Variants in TET2 observed in about 807,000 individuals in gnomAD.
TET2 encodes methylcytosine dioxygenase TET2.
A neutral mutation model predicts 142.9 loss-of-function variants in TET2; 299 were observed. The ratio of observed to expected loss-of-function variants is 2.09; its 90% CI spans 1.90 to 2.30. The LOEUF (loss-of-function observed/expected upper bound fraction) is 2.30. Ranked by LOEUF, TET2 falls within the 30% of genes most tolerant of loss-of-function variation. The probability of loss-of-function intolerance (pLI) is 0.00; values close to 1 mark genes in which losing one functional copy is unlikely to be tolerated. For synonymous variants in TET2, 819 were observed against 849.0 expected (o/e 0.96, Z 0.61); for missense variants, 2,418 against 2,378.0 (o/e 1.02, Z -0.35).
intron 8 of TET2, among the ~76,000 whole-genome samples, chr4:105,265,916 A>C (rs143899825): frequency 6.6e-6 from 1 of 152,150 alleles, no homozygotes; most frequent in Non-Finnish European, 1.5e-5. Context: ...AAACACACCC[A>C]GCCTTATCTC....
In TET2 at chr4:105,259,609, G is replaced by T; in HGVS notation, c.3804-10G>T. The T allele has an allele frequency of 6.5e-7, 1 of 1,550,170 alleles. No individual in the cohort carries two copies. The stretch of plus-strand genomic sequence containing the variant: ...TCCATAGCAATGAATTTGGTCTTTT[G>T]ATTTTTCAGGAGAACTTGCGCCTGT... On this transcript the variant is annotated splice_polypyrimidine_tract_variant and intron_variant, in intron 6 of 10. Transcript: ENST00000380013.
In TET2 at chr4:105,276,280, A is replaced by G; in HGVS notation, c.5770A>G (p.Lys1924Glu). The change falls in exon 11 of 11, where the codon AAA (lysine) becomes GAA (glutamate). Residue 1924 changes from lysine to glutamate, a missense_variant. Physicochemically the swap from Lys to Glu is moderately conservative, Grantham distance 56 (BLOSUM62 1). Transcript: ENST00000380013. ...TCTTTGGGAAGCCAAAATGGCTGAA[A>G]AAGCCCGTGAGAAAGAGGAAGAGTG... ...LALWEAKMAE[K>E]AREKEEECEK... The G allele has an allele frequency of 6.4e-7, 1 of 1,551,704 alleles. No homozygotes were observed. The highest frequency in any genetic ancestry group is 1.2e-5 in the South Asian group (1 of 84,062).
intron 6 of TET2, among the ~76,000 whole-genome samples, chr4:105,246,731 G>T (rs1729600311): frequency 6.6e-6 from 1 of 152,128 alleles, no homozygotes; most frequent in Admixed American, 6.5e-5. Context: ...TCAAATTGGG[G>T]CTGCGGACTC....
intron 2 of TET2, among the ~76,000 whole-genome samples, chr4:105,216,218 C>T (rs1727482864): frequency 6.6e-6 from 1 of 152,020 alleles, no homozygotes; most frequent in Non-Finnish European, 1.5e-5. Flanking sequence ...ATTTTTAAAG[C>T]CACGCTGACT....
At chr4:105,232,636 G>C (rs1041345383) in intron 2 of TET2, among the ~76,000 whole-genome samples, 5 of 152,176 alleles carry the variant, frequency 3.3e-5, no homozygotes, top group Non-Finnish European at 5.9e-5. Context: ...GAAAACCAAA[G>C]GCATGAAGCT....
At chr4:105,212,761 G>T (rs192769627) in intron 2 of TET2, among the ~76,000 whole-genome samples, 1 of 152,074 alleles carries the variant, frequency 6.6e-6, no homozygotes. Flanking sequence ...AGGCTGAGGC[G>T]GGTGGATCAC....
In TET2 at chr4:105,236,213, C is replaced by T. The variant is rs1180118336; in HGVS notation, c.2271C>T (p.Leu757=). The T allele has an allele frequency of 6.2e-7, 1 of 1,614,036 alleles. No individual in the cohort carries two copies. The highest frequency in any genetic ancestry group is 8.5e-7 in the Non-Finnish European group (1 of 1,179,988). ...AAATAAAGAATAAAGAGGAAATACTCCAGACTTTTCCTCACCCCCAAAGCA... is the reference window on the plus strand; with the variant it reads ...AAATAAAGAATAAAGAGGAAATACTTCAGACTTTTCCTCACCCCCAAAGCA... ...KLQIKNKEEI[L]QTFPHPQSNN... Residue 757 remains leucine, a synonymous_variant, in exon 3 of 11, where the codon CTC becomes CTT. Transcript: ENST00000380013.
intron 2 of TET2, among the ~76,000 whole-genome samples, chr4:105,218,415 G>A (rs899828457): frequency 2.0e-5 from 3 of 152,004 alleles, no homozygotes; most frequent in Non-Finnish European, 4.4e-5. Context: ...CCTCATGTCG[G>A]CTATGCCATG....
intron 2 of TET2, among the ~76,000 whole-genome samples, chr4:105,194,461 G>A (rs997030200): frequency 6.6e-6 from 1 of 151,590 alleles, no homozygotes; most frequent in Non-Finnish European, 1.5e-5. Flanking sequence ...TTTCTTATTG[G>A]CCCAAAAAAC....
chr4:105,220,301 T>C (rs545829735), intron 2 of TET2, among the ~76,000 whole-genome samples: 3 of 152,288 alleles, frequency 2.0e-5, no homozygotes, highest in Non-Finnish European at 4.4e-5. Context: ...GCCCCTCATA[T>C]ATACTATTAT....
chr4:105,190,324 G>T, intron 1 of TET2, 36 bp from the exon 2 acceptor site: 1 of 614,250 alleles, frequency 1.6e-6, no homozygotes. Context: ...GTTCCTTTTT[G>T]CTAACTTAAA....
chr4:105,256,858 A>C (rs1730160293), intron 6 of TET2, among the ~76,000 whole-genome samples: 1 of 151,978 alleles, frequency 6.6e-6, no homozygotes, highest in Non-Finnish European at 1.5e-5. Context: ...TCTGCTATTG[A>C]ACCCCTCTAA....
Position 105,237,327 on chromosome 4 carries a change from G to T in TET2, c.3385G>T (p.Asp1129Tyr), listed in dbSNP as rs746241528. 5.0e-6 allele frequency: 8 copies of T among 1,614,094 alleles called. No individual in the cohort carries two copies. The highest frequency in any genetic ancestry group is 3.3e-5 in the South Asian group (3 of 91,076). The change falls in exon 3 of 11, where the codon GAT becomes TAT. Residue 1129 changes from aspartate to tyrosine, a missense_variant. Asp to Tyr is a radical substitution (Grantham distance 160). Coordinates refer to ENST00000380013, the MANE Select transcript of TET2 (RefSeq NM_001127208.3). ...GGATACACCTGTCAAGACTCAATAT[G>T]ATTTCCCATCTTGCAGATGTGTAGG... ...LLDTPVKTQY[D>Y]FPSCRCVEQI... is the part of the protein sequence containing the mutation.
chr4:105,152,621 G>A (rs1190328436), intron 1 of TET2, among the ~76,000 whole-genome samples: 1 of 110,438 alleles, frequency 9.1e-6, no homozygotes, highest in Non-Finnish European at 1.7e-5. Flanking sequence ...TTTTTGAGAC[G>A]GTATCTTGCT....
At chr4:105,233,126 G>A (rs1194324712) in intron 2 of TET2, among the ~76,000 whole-genome samples, 1 of 152,100 alleles carries the variant, frequency 6.6e-6, no homozygotes, top group Non-Finnish European at 1.5e-5. Flanking sequence ...GCTCACACCT[G>A]TAATCCCAGC....
intron 2 of TET2, among the ~76,000 whole-genome samples, chr4:105,225,817 C>T (rs1035194646): frequency 2.6e-5 from 4 of 152,104 alleles, no homozygotes; most frequent in African/African-American, 7.2e-5. Flanking sequence ...GTGACATTAT[C>T]AGGGGAGATT....
intron 7 of TET2, among the ~76,000 whole-genome samples, chr4:105,259,982 T>G (rs947736213): frequency 6.6e-6 from 1 of 152,130 alleles, no homozygotes; most frequent in Admixed American, 6.6e-5. Context: ...CTCTTTGGTC[T>G]TTTATGTTAA....
chr4:105,256,963 T>C (rs1730167870), intron 6 of TET2, among the ~76,000 whole-genome samples: 1 of 152,214 alleles, frequency 6.6e-6, no homozygotes, highest in South Asian at 2.1e-4. Context: ...AATGCTGTAG[T>C]CTTACTTTAG....
At chr4:105,208,433 G>A (rs1726957268) in intron 2 of TET2, among the ~76,000 whole-genome samples, 1 of 151,998 alleles carries the variant, frequency 6.6e-6, no homozygotes, top group Non-Finnish European at 1.5e-5. Context: ...GTTATCTGAA[G>A]GATCAATATC....
Sources: allele counts gnomAD v4.1 joint callset (sites outside exome capture counted in the v4.1 genomes callset), GRCh38; gene constraint gnomAD v4.1.1; transcripts MANE v1.5; gene names NCBI Gene and HGNC (gene_info 2026-07-23, HGNC 2026-07-21).